DLGAP2: variants seen among roughly 807,000 people sequenced by gnomAD.
DLGAP2 encodes DLG associated protein 2, also known as disks large-associated protein 2.
In DLGAP2, 26 loss-of-function variants were observed where a neutral mutation model predicts 100.3. That is an observed-to-expected ratio of 0.26 (90% confidence interval 0.19 to 0.36). The LOEUF is 0.36. DLGAP2 is among the 10% of genes least tolerant of loss of function. The pLI is 1.00. For missense variants in DLGAP2, 1,858 were observed against 1,453.2 expected (o/e 1.28, Z -4.53); for synonymous variants, 886 against 630.1 (o/e 1.41, Z -6.08).
chr8:1,429,702 G>A (rs571050500), intron 3 of DLGAP2, among the ~76,000 whole-genome samples: 6 of 151,762 alleles, frequency 4.0e-5, no homozygotes, highest in Admixed American at 3.3e-4. Context: ...CAGGCACATG[G>A]CACAACTCTC....
In DLGAP2 at chr8:950,931, A is replaced by G. The variant is rs996395323; in HGVS notation, c.73+42965A>G. Reference sequence around the variant, plus strand: ...GAGCCACCGCGCTCGGCCCTAGAATATTTCTTATATTAAAAGATCGAGTGA... The same window carrying G: ...GAGCCACCGCGCTCGGCCCTAGAATGTTTCTTATATTAAAAGATCGAGTGA... On this transcript the variant is annotated intron_variant, in intron 2 of 14. Transcript: ENST00000637795. 2.0e-5 allele frequency among the ~76,000 whole-genome samples: 3 copies of G among 151,680 alleles called. 1 individual carries two copies. Among genetic ancestry groups the G allele is most frequent in the Non-Finnish European group, 4.4e-5 (3 of 67,926 alleles).
intron 2 of DLGAP2, among the ~76,000 whole-genome samples, chr8:1,046,962 G>T (rs1050544772): frequency 3.0e-4 from 45 of 151,782 alleles, no homozygotes; most frequent in Non-Finnish European, 1.5e-4. Flanking sequence ...AAAATAATAG[G>T]TTTTTTTTAA....
intron 2 of DLGAP2, among the ~76,000 whole-genome samples, chr8:1,087,971 G>A (rs974053594): frequency 6.6e-6 from 1 of 152,226 alleles, no homozygotes; most frequent in East Asian, 1.9e-4. Flanking sequence ...GGGCTATGTG[G>A]CCTCCTTATC....
intron 4 of DLGAP2, among the ~76,000 whole-genome samples, chr8:1,519,765 C>T (rs547214643): frequency 1.3e-5 from 2 of 152,290 alleles, no homozygotes; most frequent in Admixed American, 1.3e-4. Flanking sequence ...GGGATGTCAG[C>T]ATCCTGGGGA....
rs867741363 is a variant in DLGAP2, at chr8:1,626,246, A to G, written c.1443-494A>G. Among the ~76,000 whole-genome samples the G allele has an allele frequency of 4.2e-3, 292 of 69,270 alleles. 8 individuals are homozygous for G. The highest frequency in any genetic ancestry group is 0.023 in the African/African-American group (226 of 9,700). The allele number at this position is 69,270 out of a possible 152,430, so 45.4% of individuals were successfully genotyped here. On this transcript the variant is annotated intron_variant, in intron 6 of 14. Transcript: ENST00000637795. ...ACGGCTGTTCCCATCTCTACCCTGC[A>G]GCGGGTGCTCACCCTCTGGGTGTGG...
At chr8:1,636,551 C>T (rs1797771335) in intron 8 of DLGAP2, among the ~76,000 whole-genome samples, 1 of 152,194 alleles carries the variant, frequency 6.6e-6, no homozygotes, top group African/African-American at 2.4e-5. Flanking sequence ...TACTTCTTTG[C>T]TGACCTTCCT....
At chr8:821,012 C>T (rs915486762) in intron 1 of DLGAP2, among the ~76,000 whole-genome samples, 4 of 152,154 alleles carry the variant, frequency 2.6e-5, no homozygotes, top group Admixed American at 6.5e-5. Context: ...TTTAGACTGA[C>T]AGTCACATAA....
intron 1 of DLGAP2, among the ~76,000 whole-genome samples, chr8:775,210 A>T (rs1306870784): frequency 6.6e-6 from 1 of 151,546 alleles, no homozygotes; most frequent in East Asian, 1.9e-4. Context: ...GTATCCTGAG[A>T]CTTTGCTGAA....
chr8:1,076,960 G>C (rs1289386746), intron 2 of DLGAP2, among the ~76,000 whole-genome samples: 1 of 135,632 alleles, frequency 7.4e-6, no homozygotes, highest in African/African-American at 2.8e-5. Flanking sequence ...CCAAGACCAA[G>C]AGGGGGAGGA....
intron 3 of DLGAP2, among the ~76,000 whole-genome samples, chr8:1,408,493 G>A (rs1796639226): frequency 6.6e-6 from 1 of 152,328 alleles, no homozygotes; most frequent in African/African-American, 2.4e-5. Flanking sequence ...GCCCTGCAGA[G>A]GGACCTTCTC....
chr8:1,242,804 A>G (rs1379060963), intron 2 of DLGAP2, among the ~76,000 whole-genome samples: 1 of 152,122 alleles, frequency 6.6e-6, no homozygotes, highest in African/African-American at 2.4e-5. Flanking sequence ...AGATGGATGG[A>G]CGGATGGATG....
At chr8:1,000,432 A>G (rs1240180919) in intron 2 of DLGAP2, among the ~76,000 whole-genome samples, 1 of 141,454 alleles carries the variant, frequency 7.1e-6, no homozygotes, top group Non-Finnish European at 1.5e-5. Flanking sequence ...TAGAGCAGAC[A>G]GATCCGGGTG....
chr8:1,068,808 C>T (rs1803337055), intron 2 of DLGAP2, among the ~76,000 whole-genome samples: 1 of 152,082 alleles, frequency 6.6e-6, no homozygotes. Context: ...CCAGGGAGAC[C>T]TCGTGGGGGC....
intron 4 of DLGAP2, among the ~76,000 whole-genome samples, chr8:1,513,557 C>T (rs1392072774): frequency 2.0e-5 from 3 of 152,214 alleles, no homozygotes; most frequent in South Asian, 2.1e-4. Flanking sequence ...CTGCCCATCT[C>T]CCAGAGACAA....
At chr8:1,118,392 G>A (rs1795950006) in intron 2 of DLGAP2, among the ~76,000 whole-genome samples, 1 of 152,158 alleles carries the variant, frequency 6.6e-6, no homozygotes. Flanking sequence ...TGAGGACAGT[G>A]AAAAGAGCCC....
At chr8:1,669,615 G>C in intron 9 of DLGAP2, 128 bp from the exon 10 acceptor site, 3 of 717,696 alleles carry the variant, frequency 4.2e-6, no homozygotes, top group Non-Finnish European at 7.7e-6. Context: ...GGTGAGTGGA[G>C]CGTGCTGAGA....
At chr8:1,595,863 A>T (rs906713169) in intron 6 of DLGAP2, among the ~76,000 whole-genome samples, 1 of 147,984 alleles carries the variant, frequency 6.8e-6, no homozygotes, top group Non-Finnish European at 1.5e-5. Context: ...TTTAATAGTA[A>T]TTTTTTTTTA....
intron 2 of DLGAP2, among the ~76,000 whole-genome samples, chr8:952,645 AAAAAT>A (rs1191039616): frequency 3.9e-5 from 6 of 152,212 alleles, no homozygotes; most frequent in Non-Finnish European, 5.9e-5. Context: ...TCAAAAAAAT[AAAAAT>A]AAAATAAAAA....
chr8:897,744 A>G (rs140848917), intron 1 of DLGAP2, among the ~76,000 whole-genome samples: 7 of 151,986 alleles, frequency 4.6e-5, no homozygotes, highest in Non-Finnish European at 1.0e-4. Context: ...GGTGAGCCAG[A>G]AGCGAGCACC....
Sources: allele counts gnomAD v4.1 joint callset (sites outside exome capture counted in the v4.1 genomes callset), GRCh38; gene constraint gnomAD v4.1.1; transcripts MANE v1.5; gene names NCBI Gene and HGNC (gene_info 2026-07-23, HGNC 2026-07-21).